HSD17B12: variants seen among roughly 807,000 people sequenced by gnomAD.
HSD17B12 encodes the protein very-long-chain 3-oxoacyl-CoA reductase.
HSD17B12 carries 32 observed loss-of-function variants against 39.3 expected under a neutral mutation model. The observed-to-expected ratio is 0.81, with a 90% confidence interval of 0.61 to 1.09. The LOEUF (loss-of-function observed/expected upper bound fraction) is 1.09. Ranked by LOEUF, HSD17B12 falls within the 50% of genes least tolerant of loss-of-function variation. HSD17B12 has a pLI of 0.00. For synonymous variants in HSD17B12, 150 were observed against 146.7 expected (o/e 1.02, Z -0.16); for missense variants, 342 against 382.9 (o/e 0.89, Z 0.89).
intron 3 of HSD17B12, among the ~76,000 whole-genome samples, chr11:43,780,212 C>A (rs1481165204): frequency 6.6e-6 from 1 of 151,980 alleles, no homozygotes; most frequent in Admixed American, 6.6e-5. Context: ...GTCGCCCAGG[C>A]TAGAGTGCAA....
the HSD17B12 span, among the ~76,000 whole-genome samples, chr11:43,609,658 C>T: frequency 3.9e-5 from 6 of 152,078 alleles, no homozygotes; most frequent in Admixed American, 3.9e-4. Context: ...ACATGAGCCA[C>T]TGTGCATATA....
the HSD17B12 span, among the ~76,000 whole-genome samples, chr11:43,638,294 A>G: frequency 6.6e-6 from 1 of 152,222 alleles, no homozygotes; most frequent in African/African-American, 2.4e-5. Flanking sequence ...CAGTGAAATC[A>G]GGGAAGTTTG....
intron 1 of HSD17B12, among the ~76,000 whole-genome samples, chr11:43,737,039 G>T (rs2134903483): frequency 6.6e-6 from 1 of 152,320 alleles, no homozygotes; most frequent in East Asian, 1.9e-4. Flanking sequence ...AGGAAAGGCA[G>T]CTGTCATGGT....
chr11:43,767,308 G>C (rs537294578), intron 3 of HSD17B12, among the ~76,000 whole-genome samples: 14 of 152,046 alleles, frequency 9.2e-5, no homozygotes, highest in African/African-American at 3.4e-4. Flanking sequence ...TTTAAAATTT[G>C]GTTGTTGTTC....
chr11:43,832,334 A>G (rs1316157930), intron 7 of HSD17B12, among the ~76,000 whole-genome samples: 1 of 152,212 alleles, frequency 6.6e-6, no homozygotes, highest in Non-Finnish European at 1.5e-5. Flanking sequence ...ATTAAAAAAG[A>G]AACACTTATA....
the HSD17B12 span, among the ~76,000 whole-genome samples, chr11:43,566,240 A>T: frequency 1.3e-5 from 2 of 152,220 alleles, no homozygotes. Context: ...GGCTCATTAA[A>T]TATTAGCTAT....
chr11:43,753,384 CTTT>C (rs59565155), intron 2 of HSD17B12, among the ~76,000 whole-genome samples: 17 of 73,370 alleles, frequency 2.3e-4, no homozygotes, highest in Non-Finnish European at 3.5e-4. Context: ...GCAGCAAAAA[CTTT>C]TTTTTTTTTT....
intron 4 of HSD17B12, among the ~76,000 whole-genome samples, chr11:43,807,987 A>C (rs114066022): frequency 6.6e-5 from 10 of 152,178 alleles, no homozygotes; most frequent in Non-Finnish European, 1.2e-4. Context: ...ACAGTTACAG[A>C]GTTAGACATC....
the HSD17B12 span, among the ~76,000 whole-genome samples, chr11:43,622,221 G>T: frequency 0.052 from 7,964 of 152,236 alleles, 661 homozygotes; most frequent in African/African-American, 0.17. Flanking sequence ...CAGAGCTGAA[G>T]GAATTGCATC....
intron 1 of HSD17B12, among the ~76,000 whole-genome samples, chr11:43,715,372 A>C (rs996667664): frequency 7.2e-5 from 11 of 152,096 alleles, no homozygotes; most frequent in African/African-American, 2.7e-4. Context: ...TTCTGCATCT[A>C]TTGAGATAAT....
chr11:43,812,408 C>T (rs1040204367), intron 4 of HSD17B12, among the ~76,000 whole-genome samples: 1 of 152,216 alleles, frequency 6.6e-6, no homozygotes, highest in African/African-American at 2.4e-5. Context: ...TTAATAACAG[C>T]TACTCTAACT....
At chr11:43,697,947 A>G (rs953467031) in intron 1 of HSD17B12, among the ~76,000 whole-genome samples, 7 of 152,156 alleles carry the variant, frequency 4.6e-5, no homozygotes, top group African/African-American at 1.2e-4. Context: ...TCAAGTTTGT[A>G]CTTAGGACAG....
chr11:43,815,456 G>A lies in HSD17B12; in HGVS notation c.411G>A (p.Ser137=), dbSNP rs536251086. ...IGILVNNVGM[S]YEYPEYFLDV... ...TTTCAGTGAACAACGTGGGAATGTC[G>A]TATGAGTATCCTGAATACTTTTTGG... The change falls in exon 5 of 11, where the codon TCG becomes TCA. Residue 137 remains serine (S), a synonymous_variant. Coordinates refer to ENST00000278353, the MANE Select transcript of HSD17B12 (RefSeq NM_016142.3). The A allele has an allele frequency of 1.9e-5, 30 of 1,575,014 alleles. 1 individual carries two copies. Among genetic ancestry groups the A allele is most frequent in the South Asian group, 1.7e-4 (14 of 84,834 alleles).
chr11:43,720,593 A>G (rs1950167497), intron 1 of HSD17B12, among the ~76,000 whole-genome samples: 1 of 152,194 alleles, frequency 6.6e-6, no homozygotes, highest in Non-Finnish European at 1.5e-5. Context: ...CACTTCCCTT[A>G]AGCAAGTCAA....
the HSD17B12 span, among the ~76,000 whole-genome samples, chr11:43,664,979 C>T: frequency 2.0e-5 from 3 of 152,174 alleles, no homozygotes; most frequent in African/African-American, 7.2e-5. Context: ...CCTGTGAAGG[C>T]TTTTGGTCTT....
At chr11:43,701,175 G>T (rs915147103) in intron 1 of HSD17B12, among the ~76,000 whole-genome samples, 3 of 151,970 alleles carry the variant, frequency 2.0e-5, no homozygotes, top group Admixed American at 1.3e-4. Context: ...CCCATTTTTT[G>T]ATCAGATTAT....
At chr11:43,731,970 G>A in intron 1 of HSD17B12, among the ~76,000 whole-genome samples, 1 of 152,120 alleles carries the variant, frequency 6.6e-6, no homozygotes, top group Non-Finnish European at 1.5e-5. Context: ...TCTGTAGACT[G>A]GCCAGAACCA....
At chr11:43,598,757 C>T in the HSD17B12 span, among the ~76,000 whole-genome samples, 1 of 152,144 alleles carries the variant, frequency 6.6e-6, no homozygotes, top group Non-Finnish European at 1.5e-5. Context: ...GTGCCTTCCA[C>T]GTCAGAGTGG....
rs1337104696 is a variant in HSD17B12 at position 43,780,610 on chromosome 11, T to C, written c.284-17710T>C. 2.0e-5 allele frequency among the ~76,000 whole-genome samples: 3 copies of C among 152,344 alleles called. No individual in the cohort carries two copies. In the South Asian group the frequency reaches 6.2e-4, roughly 32 times the overall value. On this transcript the variant is annotated intron_variant, in intron 3 of 10. Transcript: ENST00000278353. ...GTTTTTAGTCTTTCTAAGGAAAATG[T>C]TTAGAAGCTAGATAAAGATTATTAG...
Sources: gnomAD v4.1 joint callset for allele counts (sites outside exome capture counted in the v4.1 genomes callset) on GRCh38, gnomAD v4.1.1 for gene constraint, MANE v1.5 for transcripts, NCBI Gene and HGNC (gene_info 2026-07-23, HGNC 2026-07-21) for gene names.